Variants in ITSN1 observed in about 807,000 individuals in gnomAD.
ITSN1 encodes intersectin-1.
In ITSN1, 58 loss-of-function variants were observed where a neutral mutation model predicts 239.8. The ratio of observed to expected loss-of-function variants is 0.24; its 90% CI spans 0.20 to 0.30. The LOEUF is 0.30. Among genes scored for constraint, ITSN1 ranks in the 10% least tolerant of loss-of-function variants. The probability of loss-of-function intolerance (pLI) is 1.00; values close to 1 mark genes in which losing one functional copy is unlikely to be tolerated. For missense variants in ITSN1, 1,558 were observed against 2,103.3 expected (o/e 0.74, Z 5.07); for synonymous variants, 780 against 770.8 (o/e 1.01, Z -0.20).
At chr21:33,843,426 T>C (rs1038864067) in intron 29 of ITSN1, among the ~76,000 whole-genome samples, 1 of 152,182 alleles carries the variant, frequency 6.6e-6, no homozygotes, top group East Asian at 1.9e-4. Flanking sequence ...CCCTTTGTCC[T>C]TCTCTCCTCC....
At chr21:33,745,278 G>C (rs1052114234) in intron 5 of ITSN1, among the ~76,000 whole-genome samples, 1 of 152,202 alleles carries the variant, frequency 6.6e-6, no homozygotes, top group African/African-American at 2.4e-5. Context: ...GCAAAATCCA[G>C]ACTGGGAAAC....
At position 33,888,080 on chromosome 21, in the gene ITSN1, C is replaced by A. The variant is rs77604806; in HGVS notation, c.5018-72C>A. ...GCATAACAGTTCATCAGGGGGTCCC[C>A]AATATGCCAGACATGTGCCTCGAAG... On this transcript the variant is annotated intron_variant, in intron 39 of 39. Transcript: ENST00000381318. 4.5e-4 allele frequency: 691 copies of A among 1,520,844 alleles called. 7 individuals carry two copies. In the East Asian group the frequency reaches 0.012, roughly 27 times the overall value. 94.2% of individuals were successfully genotyped at this position (1,520,844 alleles called of 1,614,324 possible).
At chr21:33,754,801 C>T (rs1207100347) in intron 7 of ITSN1, among the ~76,000 whole-genome samples, 1 of 152,140 alleles carries the variant, frequency 6.6e-6, no homozygotes, top group Non-Finnish European at 1.5e-5. Context: ...TTTAAACTTA[C>T]CAGAATGGAG....
chr21:33,814,118 T>C (rs2073107596), intron 22 of ITSN1, 46 bp downstream of exon 22: 5 of 1,581,684 alleles, frequency 3.2e-6, no homozygotes, highest in Non-Finnish European at 4.3e-6. Context: ...TGCTATCTAG[T>C]GCCAAAAACT....
At chr21:33,665,242 G>C (rs2089851946) in intron 1 of ITSN1, among the ~76,000 whole-genome samples, 1 of 151,922 alleles carries the variant, frequency 6.6e-6, no homozygotes, top group South Asian at 2.1e-4. Flanking sequence ...TAGCCTGGGT[G>C]ACAGAATGAG....
chr21:33,712,812 G>GTA (rs1422183256), intron 1 of ITSN1, among the ~76,000 whole-genome samples: 2 of 152,212 alleles, frequency 1.3e-5, no homozygotes, highest in Non-Finnish European at 2.9e-5. Flanking sequence ...TTGTCCTCAA[G>GTA]TATTATAGTT....
At chr21:33,649,131 G>A (rs1425815064) in intron 1 of ITSN1, among the ~76,000 whole-genome samples, 1 of 152,150 alleles carries the variant, frequency 6.6e-6, no homozygotes, top group Non-Finnish European at 1.5e-5. Context: ...AGACAGCTGG[G>A]TGTGTGTGTC....
chr21:33,782,394 A>C (rs1383304193), intron 16 of ITSN1, among the ~76,000 whole-genome samples: 1 of 152,220 alleles, frequency 6.6e-6, no homozygotes, highest in African/African-American at 2.4e-5. Context: ...GTTTATAGTC[A>C]CATCAAGTTG....
intron 4 of ITSN1, among the ~76,000 whole-genome samples, chr21:33,726,940 T>C: frequency 6.6e-6 from 1 of 152,264 alleles, no homozygotes; most frequent in East Asian, 1.9e-4. Context: ...ATGGACAGTA[T>C]ATGTTAGAAA....
intron 4 of ITSN1, among the ~76,000 whole-genome samples, chr21:33,729,463 TAA>T (rs1024288539): frequency 6.2e-5 from 6 of 97,258 alleles, no homozygotes; most frequent in African/African-American, 7.8e-5. Flanking sequence ...AACAAACAAA[TAA>T]AAAAAAAAAA....
At chr21:33,743,645 TCTAAA>T (rs1247239465) in intron 5 of ITSN1, among the ~76,000 whole-genome samples, 1 of 152,130 alleles carries the variant, frequency 6.6e-6, no homozygotes, top group Non-Finnish European at 1.5e-5. Flanking sequence ...AATAAGAGAT[TCTAAA>T]CTATATTTAA....
intron 27 of ITSN1, among the ~76,000 whole-genome samples, chr21:33,832,975 G>A (rs1000243949): frequency 1.3e-5 from 2 of 152,066 alleles, no homozygotes. Flanking sequence ...CCCCAGAGGT[G>A]GCTGTTTCGA....
intron 19 of ITSN1, among the ~76,000 whole-genome samples, chr21:33,800,673 A>G (rs2071922563): frequency 6.6e-6 from 1 of 152,238 alleles, no homozygotes; most frequent in Non-Finnish European, 1.5e-5. Flanking sequence ...AGTTTAAGAA[A>G]GAAAATCAGA....
chr21:33,766,129 G>T, intron 10 of ITSN1, 117 bp downstream of exon 10: 1 of 1,079,250 alleles, frequency 9.3e-7, no homozygotes, highest in East Asian at 2.5e-5. Context: ...CTAAGTATCC[G>T]TGAATTCTAG....
At chr21:33,836,881 T>A (rs572391465) in intron 29 of ITSN1, 90 of 869,196 alleles carry the variant, frequency 1.0e-4, no homozygotes, top group African/African-American at 6.0e-4. Context: ...TTTTTTTTTT[T>A]AAATCATTTT....
intron 10 of ITSN1, among the ~76,000 whole-genome samples, chr21:33,766,933 C>G (rs538324400): frequency 6.6e-6 from 1 of 152,110 alleles, no homozygotes; most frequent in African/African-American, 2.4e-5. Flanking sequence ...GTTGGGAGGC[C>G]GAGGCGGGTG....
Position 33,834,263 on chromosome 21 carries a change from A to C in ITSN1, c.3352-44A>C, listed in dbSNP as rs754089456. 2.1e-6 allele frequency: 3 copies of C among 1,406,174 alleles called. No homozygotes were observed. The South Asian group carries it at 3.5e-5, about 16-fold the overall frequency. The allele number at this position is 1,406,174 out of a possible 1,614,324, so 87.1% of individuals were successfully genotyped here. A position where few individuals can be genotyped will look rare whatever the true frequency, so the allele number is the denominator to read the frequency against. ...GTTATAAAGTGAGCTGTATTATAAA[A>C]GATGCGCCTTTAAAAATGTTTGATG... On this transcript the variant is annotated intron_variant, in intron 27 of 39. Transcript: ENST00000381318.
chr21:33,648,732 A>G (rs2088210811), intron 1 of ITSN1, among the ~76,000 whole-genome samples: 1 of 152,104 alleles, frequency 6.6e-6, no homozygotes, highest in Admixed American at 6.5e-5. Context: ...AGTCCTAGCT[A>G]CTAGGGAGGC....
chr21:33,756,465 A>T lies in ITSN1; in HGVS notation c.724+1068A>T, dbSNP rs115252293. Among the ~76,000 whole-genome samples the T allele has an allele frequency of 7.2e-3, 1,095 of 152,194 alleles. 14 individuals carry two copies. The highest frequency in any genetic ancestry group is 0.025 in the African/African-American group (1,042 of 41,528). On this transcript the variant is annotated intron_variant, in intron 8 of 39. Transcript: ENST00000381318. ...TGTGGTGGAGTGGGGTAAGGGGAGG[A>T]TTATAATCCAAAACACTTTTAAGAA... is the stretch of plus-strand genomic sequence containing the variant.
Sources: gnomAD v4.1 joint callset for allele counts (sites outside exome capture counted in the v4.1 genomes callset) on GRCh38, gnomAD v4.1.1 for gene constraint, MANE v1.5 for transcripts, NCBI Gene and HGNC (gene_info 2026-07-23, HGNC 2026-07-21) for gene names.